Variants in NFIB observed in about 807,000 individuals in gnomAD.
The protein encoded by NFIB is nuclear factor I B.
In NFIB, 11 loss-of-function variants were observed where a neutral mutation model predicts 61.5. The observed-to-expected ratio is 0.18, with a 90% CI of 0.11 to 0.30. The LOEUF is 0.30. Ranked by LOEUF, NFIB falls within the 10% of genes least tolerant of loss-of-function variation. NFIB has a pLI of 1.00. For synonymous variants in NFIB, 260 were observed against 216.5 expected (o/e 1.20, Z -1.76); for missense variants, 471 against 608.9 (o/e 0.77, Z 2.38).
intron 1 of NFIB, among the ~76,000 whole-genome samples, chr9:14,363,678 A>G (rs1291614292): frequency 6.6e-6 from 1 of 151,302 alleles, no homozygotes; most frequent in East Asian, 1.9e-4. Flanking sequence ...TTTAAACTTT[A>G]TAATATGTAG....
At chr9:14,345,478 T>A (rs2061006892) in intron 1 of NFIB, among the ~76,000 whole-genome samples, 1 of 152,016 alleles carries the variant, frequency 6.6e-6, no homozygotes, top group Non-Finnish European at 1.5e-5. Context: ...AATAAATAAA[T>A]GCAATCAAAG....
chr9:14,281,772 T>A (rs2058384466), intron 2 of NFIB, among the ~76,000 whole-genome samples: 1 of 152,150 alleles, frequency 6.6e-6, no homozygotes. Flanking sequence ...CTTATGACCT[T>A]GACTAAATGA....
At chr9:14,507,767 A>T in the NFIB span, among the ~76,000 whole-genome samples, 1 of 152,168 alleles carries the variant, frequency 6.6e-6, no homozygotes, top group Non-Finnish European at 1.5e-5. Flanking sequence ...TCACTCTTTG[A>T]TTGGAGGTCA....
intron 6 of NFIB, among the ~76,000 whole-genome samples, chr9:14,139,337 T>C (rs1446401166): frequency 1.3e-5 from 2 of 152,206 alleles, no homozygotes; most frequent in African/African-American, 2.4e-5. Flanking sequence ...ATTGGGAGTC[T>C]AATAACTCAA....
chr9:14,209,885 A>AT (rs34605639), intron 2 of NFIB, among the ~76,000 whole-genome samples: 84 of 148,230 alleles, frequency 5.7e-4, no homozygotes, highest in Middle Eastern at 6.8e-3. Flanking sequence ...TTTCCTGATT[A>AT]TTTTTTTTTT....
intron 3 of NFIB, among the ~76,000 whole-genome samples, chr9:14,157,022 C>A (rs1462338184): frequency 6.6e-6 from 1 of 152,112 alleles, no homozygotes; most frequent in East Asian, 1.9e-4. Context: ...CCACAGATGA[C>A]CAGTTATGAA....
intron 2 of NFIB, among the ~76,000 whole-genome samples, chr9:14,259,935 C>CAGA (rs1563952834): frequency 6.6e-6 from 1 of 152,056 alleles, no homozygotes; most frequent in African/African-American, 2.4e-5. Flanking sequence ...CAAAACAAAA[C>CAGA]TATTGGTGAA....
At chr9:14,425,718 A>G in the NFIB span, among the ~76,000 whole-genome samples, 2 of 151,068 alleles carry the variant, frequency 1.3e-5, no homozygotes, top group Non-Finnish European at 2.9e-5. Flanking sequence ...CAAACCCAGA[A>G]GTGTGGTACT....
the NFIB span, among the ~76,000 whole-genome samples, chr9:14,441,105 T>C: frequency 6.9e-6 from 1 of 145,834 alleles, no homozygotes; most frequent in Non-Finnish European, 1.5e-5. Context: ...CAGCTTTCCC[T>C]TAATTATCAT....
chr9:14,290,901 T>C (rs2059050516), intron 2 of NFIB, among the ~76,000 whole-genome samples: 1 of 152,084 alleles, frequency 6.6e-6, no homozygotes. Context: ...TAGTATGCTC[T>C]CATAACATTT....
At chr9:14,099,600 G>A (rs1307593619) in intron 10 of NFIB, among the ~76,000 whole-genome samples, 1 of 152,168 alleles carries the variant, frequency 6.6e-6, no homozygotes, top group Non-Finnish European at 1.5e-5. Context: ...TATGTCATTT[G>A]AATTTATTTA....
chr9:14,172,774 CTTTTTT>C (rs925376777), intron 3 of NFIB, among the ~76,000 whole-genome samples: 2 of 145,980 alleles, frequency 1.4e-5, no homozygotes, highest in African/African-American at 5.0e-5. Context: ...AAATTCAACA[CTTTTTT>C]TTTTTTTGAG....
At chr9:14,436,039 C>G in the NFIB span, among the ~76,000 whole-genome samples, 1 of 152,224 alleles carries the variant, frequency 6.6e-6, no homozygotes, top group African/African-American at 2.4e-5. Context: ...TTCCCTTGCG[C>G]TGATCCACAT....
intron 2 of NFIB, among the ~76,000 whole-genome samples, chr9:14,220,885 A>ACACACC (rs1165598223): frequency 2.1e-5 from 3 of 143,024 alleles, no homozygotes; most frequent in Admixed American, 7.1e-5. Flanking sequence ...ACACACACAC[A>ACACACC]CCACATCCCA....
At chr9:14,266,049 G>C (rs1277572249) in intron 2 of NFIB, among the ~76,000 whole-genome samples, 1 of 152,040 alleles carries the variant, frequency 6.6e-6, no homozygotes, top group Non-Finnish European at 1.5e-5. Flanking sequence ...CAGTAAAAAG[G>C]TCCTGAGGGC....
intron 5 of NFIB, among the ~76,000 whole-genome samples, chr9:14,148,984 A>T (rs772874041): frequency 2.0e-5 from 3 of 152,176 alleles, no homozygotes; most frequent in Non-Finnish European, 4.4e-5. Flanking sequence ...ATGTTTTTTA[A>T]ACCTTGCTTA....
At chr9:14,528,398 C>T in the NFIB span, among the ~76,000 whole-genome samples, 2 of 152,140 alleles carry the variant, frequency 1.3e-5, no homozygotes, top group Non-Finnish European at 2.9e-5. Context: ...ATAAAAAGCA[C>T]ATTACAACTG....
At chr9:14,416,892 C>CTTTTTTTTTTT in the NFIB span, among the ~76,000 whole-genome samples, 43 of 126,916 alleles carry the variant, frequency 3.4e-4, no homozygotes, top group African/African-American at 1.4e-3. Context: ...ACTATTTTTA[C>CTTTTTTTTTTT]TTTTTTTTTT....
chr9:14,403,529 C>T (rs1403773520), upstream of NFIB, among the ~76,000 whole-genome samples: 3 of 152,030 alleles, frequency 2.0e-5, no homozygotes, highest in African/African-American at 7.2e-5. Context: ...CCCTCCCCTC[C>T]TCTCCCCTCT....
Sources: gnomAD v4.1 joint callset for allele counts (sites outside exome capture counted in the v4.1 genomes callset) on GRCh38, gnomAD v4.1.1 for gene constraint, MANE v1.5 for transcripts, NCBI Gene and HGNC (gene_info 2026-07-23, HGNC 2026-07-21) for gene names.